Variants in THRB observed in about 807,000 individuals in gnomAD.
THRB encodes the protein thyroid hormone receptor beta, also known as nuclear receptor subfamily 1 group A member 2.
THRB carries 12 observed loss-of-function variants against 47.8 expected under a neutral mutation model. The ratio of observed to expected loss-of-function variants is 0.25; its 90% CI spans 0.16 to 0.41. The LOEUF is 0.41. THRB is among the 10% of genes least tolerant of loss of function. The pLI is 1.00. For synonymous variants in THRB, 218 were observed against 212.2 expected (o/e 1.03, Z -0.24); for missense variants, 348 against 589.2 (o/e 0.59, Z 4.24).
chr3:24,249,995 A>G (rs977338271), intron 3 of THRB, among the ~76,000 whole-genome samples: 2 of 152,216 alleles, frequency 1.3e-5, no homozygotes, highest in Non-Finnish European at 2.9e-5. Flanking sequence ...TTTTGCACCA[A>G]CCTAGTACCA....
chr3:24,173,829 A>G (rs1480824979), intron 5 of THRB, among the ~76,000 whole-genome samples: 2 of 152,142 alleles, frequency 1.3e-5, no homozygotes, highest in Non-Finnish European at 2.9e-5. Flanking sequence ...CCGTGTGCAG[A>G]TGGTGCTTAA....
At chr3:24,334,287 C>T (rs1460035288) in intron 2 of THRB, among the ~76,000 whole-genome samples, 1 of 152,136 alleles carries the variant, frequency 6.6e-6, no homozygotes, top group Admixed American at 6.5e-5. Flanking sequence ...GAAGGCCTTT[C>T]AACCTCAGTC....
At chr3:24,169,940 T>C (rs1218814535) in intron 5 of THRB, among the ~76,000 whole-genome samples, 2 of 146,508 alleles carry the variant, frequency 1.4e-5, no homozygotes, top group Non-Finnish European at 3.0e-5. Flanking sequence ...TACCACCTGG[T>C]ATTTTGGAGA....
chr3:24,485,116 T>G (rs1472570073), intron 1 of THRB, among the ~76,000 whole-genome samples: 1 of 152,182 alleles, frequency 6.6e-6, no homozygotes, highest in African/African-American at 2.4e-5. Flanking sequence ...TCAATGCTAT[T>G]TCAATGTAAT....
intron 3 of THRB, among the ~76,000 whole-genome samples, chr3:24,267,872 T>A (rs187549174): frequency 3.3e-5 from 5 of 152,336 alleles, no homozygotes; most frequent in Admixed American, 3.3e-4. Flanking sequence ...CCAATGGTCC[T>A]GAAGAAAGCC....
intron 4 of THRB, among the ~76,000 whole-genome samples, chr3:24,192,531 C>T (rs1387919497): frequency 6.6e-6 from 1 of 152,100 alleles, no homozygotes; most frequent in Non-Finnish European, 1.5e-5. Flanking sequence ...GGTATTAATT[C>T]CCTTGACCCC....
intron 1 of THRB, among the ~76,000 whole-genome samples, chr3:24,365,539 A>C (rs967522495): frequency 9.2e-5 from 14 of 152,228 alleles, no homozygotes; most frequent in African/African-American, 3.4e-4. Flanking sequence ...GAGCAAATCC[A>C]TTACCAGCTT....
chr3:24,391,340 T>A (rs1180092558), intron 1 of THRB, among the ~76,000 whole-genome samples: 2 of 152,174 alleles, frequency 1.3e-5, no homozygotes. Flanking sequence ...CCTTGTTTTA[T>A]CTACCAGTCT....
chr3:24,452,955 T>C (rs754423028), intron 1 of THRB, among the ~76,000 whole-genome samples: 1 of 46,612 alleles, frequency 2.1e-5, no homozygotes, highest in Non-Finnish European at 4.9e-5. Flanking sequence ...AGGATGCTAC[T>C]TGAAGCCCGA....
At chr3:24,285,973 G>A (rs1374632225) in intron 3 of THRB, among the ~76,000 whole-genome samples, 4 of 152,196 alleles carry the variant, frequency 2.6e-5, no homozygotes, top group Non-Finnish European at 5.9e-5. Flanking sequence ...GATTAGGTCT[G>A]AGGGTGGGAC....
At chr3:24,390,543 G>A (rs1404332353) in intron 1 of THRB, among the ~76,000 whole-genome samples, 1 of 151,942 alleles carries the variant, frequency 6.6e-6, no homozygotes, top group African/African-American at 2.4e-5. Flanking sequence ...ATTATTATAA[G>A]CATTTCTGTA....
At chr3:24,235,934 T>A (rs779565599) in intron 3 of THRB, among the ~76,000 whole-genome samples, 51 of 152,098 alleles carry the variant, frequency 3.4e-4, no homozygotes, top group Non-Finnish European at 5.7e-4. Context: ...TGGGTATGAC[T>A]GGAGTTCATG....
rs77965281 is a variant in THRB, at chr3:24,169,103, C to G, written c.284-16613G>C. ...TGGTCAGAGCCTTTTAACTTCCACT[C>G]TAATGATTGTTCTCACTTTCTGTTT... On this transcript the variant is annotated intron_variant, in intron 5 of 10. Transcript: ENST00000646209. 4.9e-4 allele frequency among the ~76,000 whole-genome samples: 74 copies of G among 152,272 alleles called. No individual in the cohort carries two copies. In the East Asian group the frequency reaches 0.013, roughly 27 times the overall value.
At chr3:24,469,557 T>C (rs1451823070) in intron 1 of THRB, among the ~76,000 whole-genome samples, 2 of 152,212 alleles carry the variant, frequency 1.3e-5, no homozygotes, top group Non-Finnish European at 2.9e-5. Context: ...AGGGGAAGCA[T>C]TCAACCTACT....
chr3:24,190,827 A>C (rs1256015778), intron 4 of THRB, among the ~76,000 whole-genome samples: 2 of 150,880 alleles, frequency 1.3e-5, no homozygotes, highest in African/African-American at 2.4e-5. Flanking sequence ...TCACGTGGCC[A>C]CACCGAGAGT....
chr3:24,296,184 T>G lies in THRB; in HGVS notation c.-43+1042A>C, dbSNP rs142504701. Reference sequence around the variant, plus strand: ...CAGCCTAGAGTCAAGAGCTTAGAATTAACTATAAGCATTAACCCACTTCTT... The same window carrying G: ...CAGCCTAGAGTCAAGAGCTTAGAATGAACTATAAGCATTAACCCACTTCTT... On this transcript the variant is annotated intron_variant, in intron 3 of 10. Coordinates refer to ENST00000646209, the MANE Select transcript of THRB (RefSeq NM_001354712.2). Among the ~76,000 whole-genome samples, 395 of 152,314 alleles carry G rather than the reference T, an allele frequency of 2.6e-3. 5 individuals carry two copies. The East Asian group carries it at 0.03, about 11-fold the overall frequency.
chr3:24,221,561 G>A (rs2047162568), intron 4 of THRB, among the ~76,000 whole-genome samples: 1 of 152,148 alleles, frequency 6.6e-6, no homozygotes, highest in Non-Finnish European at 1.5e-5. Context: ...GATGATTGTG[G>A]TTGGGGTATG....
chr3:24,134,184 A>C (rs973809683), intron 8 of THRB, among the ~76,000 whole-genome samples: 1 of 152,042 alleles, frequency 6.6e-6, no homozygotes, highest in African/African-American at 2.4e-5. Context: ...TCACCAGGGG[A>C]CTTCTTCTCA....
intron 1 of THRB, among the ~76,000 whole-genome samples, chr3:24,417,502 C>T (rs373338785): frequency 2.6e-5 from 4 of 151,848 alleles, no homozygotes; most frequent in South Asian, 4.2e-4. Context: ...CCTTTTAGGA[C>T]GATTGATGTA....
Sources: gnomAD v4.1 joint callset for allele counts (sites outside exome capture counted in the v4.1 genomes callset) on GRCh38, gnomAD v4.1.1 for gene constraint, MANE v1.5 for transcripts, NCBI Gene and HGNC (gene_info 2026-07-23, HGNC 2026-07-21) for gene names.